The following TUSC3 variants were observed in gnomAD, a reference collection of about 807,000 sequenced individuals.
TUSC3 encodes the protein dolichyl-diphosphooligosaccharide--protein glycosyltransferase subunit TUSC3.
A neutral mutation model predicts 44.8 loss-of-function variants in TUSC3; 45 were observed. The ratio of observed to expected loss-of-function variants is 1.00; its 90% CI spans 0.79 to 1.29. The LOEUF is 1.29. TUSC3 is among the 50% of genes most tolerant of loss of function. The pLI, the probability that TUSC3 is intolerant of heterozygous loss-of-function variation, is 0.00. For synonymous variants in TUSC3, 212 were observed against 152.9 expected (o/e 1.39, Z -2.85); for missense variants, 519 against 437.9 (o/e 1.19, Z -1.65).
At chr8:15,488,839 T>G (rs1238067110) in intron 2 of TUSC3, among the ~76,000 whole-genome samples, 5 of 152,178 alleles carry the variant, frequency 3.3e-5, no homozygotes, top group Admixed American at 3.3e-4. Context: ...GAAATAAATG[T>G]TAGTTGCATA....
intron 8 of TUSC3, 55 bp from the exon 9 acceptor site, chr8:15,748,320 T>C (rs1811512380): frequency 1.6e-6 from 2 of 1,272,920 alleles, no homozygotes; most frequent in Non-Finnish European, 2.3e-6. Context: ...TATAAACAAT[T>C]GGGGTTTCAT....
chr8:15,642,337 A>G (rs1563149777), intron 2 of TUSC3, among the ~76,000 whole-genome samples: 1 of 152,128 alleles, frequency 6.6e-6, no homozygotes, highest in African/African-American at 2.4e-5. Flanking sequence ...AGAATCTAAA[A>G]CTCCTCTAAA....
chr8:15,523,205 T>A (rs1801321494), intron 2 of TUSC3, among the ~76,000 whole-genome samples: 2 of 152,058 alleles, frequency 1.3e-5, no homozygotes, highest in Admixed American at 1.3e-4. Flanking sequence ...CACCAGTGAG[T>A]GAGATCGTCT....
At chr8:15,491,322 G>A (rs959394425) in intron 2 of TUSC3, among the ~76,000 whole-genome samples, 1 of 152,238 alleles carries the variant, frequency 6.6e-6, no homozygotes, top group South Asian at 2.1e-4. Context: ...GAATTTCCCT[G>A]TGAGTAATAC....
At chr8:15,789,348 C>T in the TUSC3 span, among the ~76,000 whole-genome samples, 33,834 of 152,072 alleles carry the variant, frequency 0.22, 4,333 homozygotes, top group Admixed American at 0.38. Flanking sequence ...AGAATGAAAT[C>T]ATAGAAAATA....
chr8:15,712,692 A>G (rs1394109047), intron 6 of TUSC3, among the ~76,000 whole-genome samples: 1 of 152,060 alleles, frequency 6.6e-6, no homozygotes, highest in Admixed American at 6.6e-5. Flanking sequence ...GCTGCTTGTA[A>G]AATACTGTAG....
intron 2 of TUSC3, among the ~76,000 whole-genome samples, chr8:15,630,220 T>C (rs73195106): frequency 0.19 from 28,815 of 152,020 alleles, 2,713 homozygotes; most frequent in South Asian, 0.26. Flanking sequence ...TTATGTAGAA[T>C]CAAGCAGGTT....
intron 1 of TUSC3, among the ~76,000 whole-genome samples, chr8:15,464,805 C>T (rs1227842553): frequency 6.6e-6 from 1 of 152,130 alleles, no homozygotes; most frequent in African/African-American, 2.4e-5. Context: ...GCTCTTCTTT[C>T]CTGTCCAAAA....
At chr8:15,530,328 G>C (rs1173930955) in intron 2 of TUSC3, among the ~76,000 whole-genome samples, 2 of 152,088 alleles carry the variant, frequency 1.3e-5, no homozygotes, top group Non-Finnish European at 2.9e-5. Flanking sequence ...TTACCCTAGT[G>C]TCTGGCATAG....
rs2129226086 is a variant in TUSC3, at chr8:15,765,108, T to G, written c.*952T>G. 1 of 152,166 alleles carries G rather than the reference T, an allele frequency of 6.6e-6. No homozygotes were observed. The highest frequency in any genetic ancestry group is 1.9e-4 in the East Asian group (1 of 5,172). 9.4% of individuals were successfully genotyped at this position (152,166 alleles called of 1,614,324 possible). On this transcript the variant is annotated 3_prime_UTR_variant, in exon 11 of 11. Coordinates refer to ENST00000503731, the MANE Select transcript of TUSC3 (RefSeq NM_006765.4). Reference sequence around the variant, plus strand: ...TAGGAGTGTAATGTACTATTATGTTTGTATCCTGTTTTAGTTTATAAAGCA... The same window carrying G: ...TAGGAGTGTAATGTACTATTATGTTGGTATCCTGTTTTAGTTTATAAAGCA...
intron 6 of TUSC3, among the ~76,000 whole-genome samples, chr8:15,701,617 CA>C (rs1315539490): frequency 1.3e-5 from 2 of 151,972 alleles, no homozygotes; most frequent in African/African-American, 4.8e-5. Flanking sequence ...AAAACAAAGC[CA>C]AATGTATTAG....
intron 1 of TUSC3, among the ~76,000 whole-genome samples, chr8:15,578,713 T>A (rs537534546): frequency 3.9e-5 from 6 of 152,222 alleles, no homozygotes; most frequent in African/African-American, 1.2e-4. Flanking sequence ...TGGATTCGTT[T>A]TGCCAGTATT....
chr8:15,481,882 A>G (rs775399643), intron 1 of TUSC3, among the ~76,000 whole-genome samples: 1 of 152,168 alleles, frequency 6.6e-6, no homozygotes, highest in Admixed American at 6.6e-5. Flanking sequence ...AATTCTGAAA[A>G]TGACACAACA....
chr8:15,735,443 G>T (rs1042663665), intron 7 of TUSC3, among the ~76,000 whole-genome samples: 5 of 152,130 alleles, frequency 3.3e-5, no homozygotes, highest in Non-Finnish European at 5.9e-5. Context: ...GATTGATTAG[G>T]CCTCATAATT....
intron 1 of TUSC3, among the ~76,000 whole-genome samples, chr8:15,584,035 C>G (rs1393012415): frequency 3.9e-5 from 6 of 152,168 alleles, no homozygotes; most frequent in African/African-American, 1.4e-4. Context: ...GTTGTTTAAA[C>G]AGGTACTTAA....
intron 2 of TUSC3, among the ~76,000 whole-genome samples, chr8:15,523,658 ATATATATGTGTGTGTG>A (rs1801329967): frequency 2.8e-4 from 6 of 21,324 alleles, no homozygotes; most frequent in East Asian, 1.9e-3. Flanking sequence ...ATATATATAT[ATATATATGTGTGTGTG>A]TGTGTGTGTG....
chr8:15,658,635 T>C (rs201624564), intron 3 of TUSC3, among the ~76,000 whole-genome samples: 12,602 of 114,260 alleles, frequency 0.11, 747 homozygotes, highest in East Asian at 0.23. Flanking sequence ...TATACACATA[T>C]ATATACACAC....
At chr8:15,455,000 A>T (rs1034990173) in intron 1 of TUSC3, among the ~76,000 whole-genome samples, 4 of 152,154 alleles carry the variant, frequency 2.6e-5, no homozygotes, top group Non-Finnish European at 4.4e-5. Context: ...CAAGAAAACC[A>T]TGGGGAATCT....
At chr8:15,603,531 T>A (rs10092261) in intron 1 of TUSC3, among the ~76,000 whole-genome samples, 4,483 of 150,716 alleles carry the variant, frequency 0.03, 202 homozygotes, top group African/African-American at 0.098. Flanking sequence ...TGCAGAAAAA[T>A]TTTTTAAGTA....
Sources: allele counts gnomAD v4.1 joint callset (sites outside exome capture counted in the v4.1 genomes callset), GRCh38; gene constraint gnomAD v4.1.1; transcripts MANE v1.5; gene names NCBI Gene and HGNC (gene_info 2026-07-23, HGNC 2026-07-21).